The following CTNND2 variants were observed in gnomAD, a reference collection of about 807,000 sequenced individuals.
CTNND2 encodes catenin delta-2.
In CTNND2, 22 loss-of-function variants were observed where a neutral mutation model predicts 144.4. The ratio of observed to expected loss-of-function variants is 0.15; its 90% confidence interval spans 0.11 to 0.22. The LOEUF (loss-of-function observed/expected upper bound fraction) is 0.22, where lower values mean the gene tolerates loss of function less well. Among genes scored for constraint, CTNND2 ranks in the 10% least tolerant of loss-of-function variants. CTNND2 has a pLI of 1.00. For missense variants in CTNND2, 1,353 were observed against 1,618.8 expected (o/e 0.84, Z 2.82); for synonymous variants, 751 against 695.6 (o/e 1.08, Z -1.25).
chr5:11,639,051 G>A (rs1198112857), intron 2 of CTNND2, among the ~76,000 whole-genome samples: 2 of 152,024 alleles, frequency 1.3e-5, no homozygotes, highest in Admixed American at 6.6e-5. Flanking sequence ...ATCTACATTG[G>A]TAGTCTCCAA....
At chr5:11,220,653 T>C (rs909230253) in intron 10 of CTNND2, among the ~76,000 whole-genome samples, 1 of 152,180 alleles carries the variant, frequency 6.6e-6, no homozygotes, top group Non-Finnish European at 1.5e-5. Context: ...TACCCTTCTA[T>C]GCGAGGGTGT....
intron 3 of CTNND2, among the ~76,000 whole-genome samples, chr5:11,543,884 A>G (rs1237699520): frequency 1.3e-5 from 2 of 152,192 alleles, no homozygotes; most frequent in Non-Finnish European, 1.5e-5. Flanking sequence ...TAAAAGATAC[A>G]TCTTTCTTGG....
At chr5:11,216,900 T>A (rs1256077975) in intron 10 of CTNND2, among the ~76,000 whole-genome samples, 3 of 152,220 alleles carry the variant, frequency 2.0e-5, no homozygotes, top group African/African-American at 7.2e-5. Flanking sequence ...ATCCTCCTGC[T>A]ATAACCACCA....
chr5:11,330,756 C>T (rs1156367696), intron 9 of CTNND2, among the ~76,000 whole-genome samples: 1 of 146,874 alleles, frequency 6.8e-6, no homozygotes, highest in East Asian at 2.0e-4. Flanking sequence ...GAACTCCCAC[C>T]TGGGCAACAG....
At chr5:11,068,814 G>T (rs1397905316) in intron 16 of CTNND2, among the ~76,000 whole-genome samples, 1 of 152,212 alleles carries the variant, frequency 6.6e-6, no homozygotes, top group Admixed American at 6.5e-5. Flanking sequence ...CTATGTGGGG[G>T]GCTGGGGCAG....
intron 16 of CTNND2, among the ~76,000 whole-genome samples, chr5:11,057,228 G>T (rs1157702417): frequency 2.0e-5 from 3 of 152,178 alleles, no homozygotes; most frequent in Non-Finnish European, 2.9e-5. Context: ...TTAATGAGGA[G>T]TATATTCATC....
At chr5:11,441,346 G>C (rs1051678613) in intron 3 of CTNND2, among the ~76,000 whole-genome samples, 3 of 140,078 alleles carry the variant, frequency 2.1e-5, no homozygotes, top group Non-Finnish European at 4.6e-5. Flanking sequence ...AAGAAGAAAA[G>C]TGTTCAATTC....
chr5:11,411,452 C>G, intron 5 of CTNND2, 84 bp downstream of exon 5: 1 of 742,730 alleles, frequency 1.3e-6, no homozygotes, highest in South Asian at 1.7e-5. Context: ...TTTGATATGG[C>G]TCATAACAGT....
intron 1 of CTNND2, among the ~76,000 whole-genome samples, chr5:11,854,241 A>G (rs968189267): frequency 2.0e-5 from 3 of 152,194 alleles, no homozygotes; most frequent in African/African-American, 7.2e-5. Flanking sequence ...TCAGTTCTAT[A>G]TAAGTATCCA....
At chr5:11,562,573 T>C (rs917394096) in intron 3 of CTNND2, among the ~76,000 whole-genome samples, 7 of 152,234 alleles carry the variant, frequency 4.6e-5, no homozygotes, top group African/African-American at 1.7e-4. Flanking sequence ...ACTGATATTA[T>C]ATATGGCAAA....
chr5:11,052,262 A>C (rs1745916785), intron 16 of CTNND2, among the ~76,000 whole-genome samples: 1 of 152,140 alleles, frequency 6.6e-6, no homozygotes, highest in Non-Finnish European at 1.5e-5. Flanking sequence ...TGAGATGTGT[A>C]TATACTTTCA....
intron 2 of CTNND2, among the ~76,000 whole-genome samples, chr5:11,624,507 C>A (rs888246793): frequency 6.6e-6 from 1 of 152,038 alleles, no homozygotes; most frequent in South Asian, 2.1e-4. Context: ...GGACAATGAT[C>A]AGTCAAAATG....
intron 2 of CTNND2, among the ~76,000 whole-genome samples, chr5:11,673,957 G>A (rs533756058): frequency 6.6e-6 from 1 of 152,226 alleles, no homozygotes; most frequent in African/African-American, 2.4e-5. Context: ...AGATTGACAA[G>A]TCCTGGGTAT....
chr5:11,149,079 A>G (rs2149748952), intron 12 of CTNND2, among the ~76,000 whole-genome samples: 1 of 152,298 alleles, frequency 6.6e-6, no homozygotes, highest in Middle Eastern at 3.4e-3. Flanking sequence ...GCTGCCCTTC[A>G]AGCCCCATCA....
chr5:11,643,864 A>G (rs1782202512), intron 2 of CTNND2, among the ~76,000 whole-genome samples: 1 of 152,310 alleles, frequency 6.6e-6, no homozygotes, highest in African/African-American at 2.4e-5. Context: ...GCATACATGA[A>G]GTAAAACGAA....
intron 3 of CTNND2, among the ~76,000 whole-genome samples, chr5:11,419,057 TAGATATATATATAGAG>T (rs1762146111): frequency 1.1e-4 from 15 of 130,630 alleles, no homozygotes; most frequent in African/African-American, 4.6e-4. Context: ...GACATCTATA[TAGATATATATATAGAG>T]AGAGAGAGAA....
chr5:11,555,475 C>T (rs1310888595), intron 3 of CTNND2, among the ~76,000 whole-genome samples: 1 of 152,042 alleles, frequency 6.6e-6, no homozygotes, highest in Non-Finnish European at 1.5e-5. Flanking sequence ...AAGAGCTTCC[C>T]TGTTAAAGAA....
chr5:11,835,254 C>A lies in CTNND2; in HGVS notation c.37+68563G>T, dbSNP rs1472703076. On this transcript the variant is annotated intron_variant, in intron 1 of 21. Transcript: ENST00000304623. ...ATCTATACTAATGAGGAGTATTGGC[C>A]TGTAGCCTTATTTTCTTCTACTGTT... is the stretch of plus-strand genomic sequence containing the variant. Among the ~76,000 whole-genome samples, 3 of 152,174 alleles carry A rather than the reference C, an allele frequency of 2.0e-5. No individual in the cohort carries two copies. In the East Asian group the frequency reaches 5.8e-4, roughly 29 times the overall value.
intron 9 of CTNND2, among the ~76,000 whole-genome samples, chr5:11,288,106 G>A (rs187156529): frequency 3.3e-5 from 5 of 152,118 alleles, no homozygotes; most frequent in Admixed American, 6.5e-5. Flanking sequence ...AACTACTGTA[G>A]GCAGATGCAT....
Sources: gnomAD v4.1 joint callset for allele counts (sites outside exome capture counted in the v4.1 genomes callset) on GRCh38, gnomAD v4.1.1 for gene constraint, MANE v1.5 for transcripts, NCBI Gene and HGNC (gene_info 2026-07-23, HGNC 2026-07-21) for gene names.